The following SDHB variants were observed in gnomAD, a reference collection of about 807,000 sequenced individuals.
SDHB encodes succinate dehydrogenase [ubiquinone] iron-sulfur subunit, mitochondrial.
SDHB carries 21 observed loss-of-function variants against 39.7 expected under a neutral mutation model. The observed-to-expected ratio is 0.53, with a 90% CI of 0.37 to 0.76. The LOEUF is 0.76. Ranked by LOEUF, SDHB falls within the 30% of genes least tolerant of loss-of-function variation. The pLI is 0.00. For synonymous variants in SDHB, 118 were observed against 117.0 expected (o/e 1.01, Z -0.06); for missense variants, 343 against 350.9 (o/e 0.98, Z 0.18).
chr1:17,036,549 T>A (rs970732765), intron 2 of SDHB, among the ~76,000 whole-genome samples: 3 of 151,888 alleles, frequency 2.0e-5, no homozygotes, highest in Admixed American at 1.3e-4. Flanking sequence ...TCTTTTTTGA[T>A]GCTGTTATAT....
At chr1:17,029,093 GT>G (rs746243819) in intron 3 of SDHB, among the ~76,000 whole-genome samples, 7,006 of 71,792 alleles carry the variant, frequency 0.098, 333 homozygotes, top group African/African-American at 0.16. Flanking sequence ...AAATCAGCCT[GT>G]TTTTTTTTTT....
intron 2 of SDHB, among the ~76,000 whole-genome samples, chr1:17,040,389 T>C (rs1373935855): frequency 6.6e-6 from 1 of 152,190 alleles, no homozygotes; most frequent in Non-Finnish European, 1.5e-5. Flanking sequence ...GTTCTTCAAA[T>C]AGATATTTAT....
chr1:17,031,722 G>T (rs1427818645), intron 3 of SDHB, among the ~76,000 whole-genome samples: 2 of 152,148 alleles, frequency 1.3e-5, no homozygotes, highest in Non-Finnish European at 2.9e-5. Flanking sequence ...TATCAATACT[G>T]GCTTTTCCTT....
chr1:17,036,036 TTC>T (rs2078048790), intron 2 of SDHB, among the ~76,000 whole-genome samples: 1 of 152,088 alleles, frequency 6.6e-6, no homozygotes, highest in African/African-American at 2.4e-5. Flanking sequence ...AACATAAATT[TTC>T]TCAGATTTTA....
chr1:17,026,647 G>A (rs932758112), intron 5 of SDHB, among the ~76,000 whole-genome samples: 2 of 152,286 alleles, frequency 1.3e-5, no homozygotes, highest in South Asian at 2.1e-4. Flanking sequence ...TTACAGATGA[G>A]CCACTGCACC....
Position 17,044,813 on chromosome 1 carries a change from C to G in SDHB, c.148G>C (p.Asp50His), listed in dbSNP as rs1060503765. The G allele has an allele frequency of 3.7e-6, 6 of 1,614,136 alleles. No homozygotes were observed. The highest frequency in any genetic ancestry group is 3.3e-4 in the Middle Eastern group (2 of 6,062). The change falls in exon 2 of 8, where the codon GAC (aspartate) becomes CAC (histidine). Residue 50 changes from aspartate to histidine, a missense_variant. By Grantham distance (81) the Asp-to-His change is moderately conservative. Coordinates refer to ENST00000375499, the MANE Select transcript of SDHB (RefSeq NM_003000.3). ...ATATGAGGTTTGTCTCCAGCCTTGT[C>G]TGGGTCCCATCGATAGATGGCAAAT... ...KKFAIYRWDPDKAGDKPHMQT... is the reference protein window; with the variant it reads ...KKFAIYRWDPHKAGDKPHMQT...
At chr1:17,037,424 C>T (rs1039244975) in intron 2 of SDHB, among the ~76,000 whole-genome samples, 1 of 148,716 alleles carries the variant, frequency 6.7e-6, no homozygotes, top group Non-Finnish European at 1.5e-5. Context: ...ACCCCACCCT[C>T]CCAAGTAGCT....
At chr1:17,022,494 C>T in intron 7 of SDHB, 114 bp downstream of exon 7, 37 of 1,428,572 alleles carry the variant, frequency 2.6e-5, no homozygotes, top group Non-Finnish European at 3.5e-5. Flanking sequence ...TATGCTGGTC[C>T]CTTTCCTTCT....
At chr1:17,024,577 TTAA>T (rs2077982143) in intron 5 of SDHB, among the ~76,000 whole-genome samples, 1 of 152,204 alleles carries the variant, frequency 6.6e-6, no homozygotes, top group South Asian at 2.1e-4. Flanking sequence ...CACGCTTTCC[TTAA>T]CTGATCATCA....
At chr1:17,041,929 CT>C (rs1372087347) in intron 2 of SDHB, among the ~76,000 whole-genome samples, 8 of 146,926 alleles carry the variant, frequency 5.4e-5, no homozygotes, top group African/African-American at 5.0e-5. Context: ...ATTTTTTTTT[CT>C]TTTTTTTTTG....
intron 6 of SDHB, 93 bp from the exon 7 acceptor site, chr1:17,022,823 G>T: frequency 6.7e-7 from 1 of 1,492,462 alleles, no homozygotes; most frequent in Non-Finnish European, 9.1e-7. Context: ...CAGAGGAAAG[G>T]GAATTCACTC....
At chr1:17,022,921 G>C in intron 6 of SDHB, 191 bp from the exon 7 acceptor site, 1 of 674,300 alleles carries the variant, frequency 1.5e-6, no homozygotes, top group East Asian at 3.2e-5. Context: ...CTTGATTAAT[G>C]GTCCCTGCAA....
At chr1:17,044,514 G>A (rs1333478110) in intron 2 of SDHB, among the ~76,000 whole-genome samples, 1 of 152,052 alleles carries the variant, frequency 6.6e-6, no homozygotes. Context: ...TAGTAGAGAG[G>A]GGAGTTTCAC....
intron 5 of SDHB, among the ~76,000 whole-genome samples, chr1:17,026,741 T>C (rs1427206072): frequency 6.6e-6 from 1 of 152,194 alleles, no homozygotes; most frequent in African/African-American, 2.4e-5. Flanking sequence ...GTAGAATTAA[T>C]TTATTCATTC....
intron 1 of SDHB, among the ~76,000 whole-genome samples, chr1:17,052,714 G>A (rs961773420): frequency 3.9e-5 from 6 of 152,170 alleles, no homozygotes; most frequent in African/African-American, 1.4e-4. Flanking sequence ...AGACAGAGTG[G>A]ATCCAAGTTC....
intron 2 of SDHB, among the ~76,000 whole-genome samples, chr1:17,041,928 T>A (rs2078082181): frequency 1.3e-5 from 2 of 152,018 alleles, no homozygotes; most frequent in Middle Eastern, 6.8e-3. Context: ...GATTTTTTTT[T>A]CTTTTTTTTT....
At chr1:17,050,441 G>C (rs1434104275) in intron 1 of SDHB, among the ~76,000 whole-genome samples, 2 of 152,060 alleles carry the variant, frequency 1.3e-5, no homozygotes, top group African/African-American at 4.8e-5. Context: ...CTGAGGTCAG[G>C]AGTTCGAGAT....
chr1:17,034,117 C>A (rs1049828982), intron 2 of SDHB, among the ~76,000 whole-genome samples: 2 of 151,814 alleles, frequency 1.3e-5, no homozygotes, highest in African/African-American at 4.8e-5. Flanking sequence ...CTTAAAAATA[C>A]GTCATTTCCT....
intron 2 of SDHB, among the ~76,000 whole-genome samples, chr1:17,035,514 T>G (rs1322138372): frequency 6.6e-6 from 1 of 152,192 alleles, no homozygotes; most frequent in Non-Finnish European, 1.5e-5. Flanking sequence ...CAACAACATC[T>G]TTGTTTTTTT....
Sources: allele counts gnomAD v4.1 joint callset (sites outside exome capture counted in the v4.1 genomes callset), GRCh38; gene constraint gnomAD v4.1.1; transcripts MANE v1.5; gene names NCBI Gene and HGNC (gene_info 2026-07-23, HGNC 2026-07-21).